FHIP2B: variants seen among roughly 807,000 people sequenced by gnomAD.
FHIP2B encodes the protein FHF complex subunit HOOK interacting protein 2B.
Under a neutral mutation model 84.0 loss-of-function variants are expected in FHIP2B, and 72 were observed. The ratio of observed to expected loss-of-function variants is 0.86; its 90% CI spans 0.71 to 1.04. The LOEUF is 1.04. Ranked by LOEUF, FHIP2B falls within the 50% of genes least tolerant of loss-of-function variation. The pLI is 0.00. For synonymous variants in FHIP2B, 497 were observed against 418.7 expected (o/e 1.19, Z -2.28); for missense variants, 972 against 968.9 (o/e 1.00, Z -0.04).
rs1375200170 is a variant in FHIP2B at position 22,098,429 on chromosome 8, C to T, written c.775C>T (p.Arg259Trp). Residue 259 changes from arginine (R) to tryptophan (W), a missense_variant, in exon 7 of 17, where the codon CGG becomes TGG. Transcript: ENST00000289921. ...TTGTATCCTCATCCCCTAGAAGAGT[C>T]GGGTGGCCTTGAAGGCCCAGGAGAA... ...LLGLCQSKKS[R>W]VALKAQENLL... The T allele has an allele frequency of 6.3e-6, 10 of 1,593,580 alleles. No individual in the cohort carries two copies. The highest frequency in any genetic ancestry group is 1.1e-5 in the South Asian group (1 of 88,906).
chr8:22,091,861 C>G (rs4872277), intron 1 of FHIP2B, among the ~76,000 whole-genome samples: 59,959 of 152,026 alleles, frequency 0.39, 12,939 homozygotes, highest in East Asian at 0.62. Context: ...GGGAAAGAAT[C>G]TCTCCAGGAG....
At chr8:22,099,147 T>TAAGC in intron 8 of FHIP2B, 91 bp downstream of exon 8, 1 of 1,495,906 alleles carries the variant, frequency 6.7e-7, no homozygotes, top group Non-Finnish European at 9.1e-7. Flanking sequence ...CATGGAAACA[T>TAAGC]GGGGTCCAGG....
In FHIP2B at chr8:22,102,980, GCTGCCTCCTGC is replaced by G. The variant is rs1452195229; in HGVS notation, c.*53_*63del. Reference sequence around the variant, plus strand: ...CTCCTGTCCACACCTCTGCCCCAGAGCTGCCTCCTGCCTGGCACTGCCGCCACACTCCCCTC... The same window carrying G: ...CTCCTGTCCACACCTCTGCCCCAGAGCTGGCACTGCCGCCACACTCCCCTC... On this transcript the variant is annotated 3_prime_UTR_variant, in exon 17 of 17. Coordinates refer to ENST00000289921, the MANE Select transcript of FHIP2B (RefSeq NM_022749.7). The G allele has an allele frequency of 5.7e-6, 9 of 1,579,946 alleles. No individual in the cohort carries two copies. Among genetic ancestry groups the G allele is most frequent in the Non-Finnish European group, 7.7e-6 (9 of 1,162,850 alleles).
chr8:22,099,165 C>T lies in FHIP2B; in HGVS notation c.1074+109C>T, dbSNP rs950326253. On this transcript the variant is annotated intron_variant, in intron 8 of 16. Coordinates refer to ENST00000289921, the MANE Select transcript of FHIP2B (RefSeq NM_022749.7). ...GGAAACATGGGGTCCAGGAGCTAAG[C>T]GGGGCCCCAGGCGGGCCGGGACCCT... 2.3e-5 allele frequency: 34 copies of T among 1,501,102 alleles called. No homozygotes were observed. In the Admixed American group the frequency reaches 2.6e-4, roughly 11 times the overall value. The allele number at this position is 1,501,102 out of a possible 1,614,324, so 93.0% of individuals were successfully genotyped here.
intron 2 of FHIP2B, chr8:22,094,918 C>T: frequency 9.3e-7 from 1 of 1,073,574 alleles, no homozygotes; most frequent in Non-Finnish European, 1.1e-6. Flanking sequence ...TTCCCCTGAG[C>T]CAGCTTAGGG....
chr8:22,101,699 C>T lies in FHIP2B; in HGVS notation c.1708-9C>T, dbSNP rs1826126036. On this transcript the variant is annotated splice_polypyrimidine_tract_variant and intron_variant, in intron 13 of 16. Coordinates refer to ENST00000289921, the MANE Select transcript of FHIP2B (RefSeq NM_022749.7). ...AGGCCCACTGCCTCTACTTTCCCGCCTGTCTCAGTTCCAGGAGTGCAGCTC... is the reference window on the plus strand; with the variant it reads ...AGGCCCACTGCCTCTACTTTCCCGCTTGTCTCAGTTCCAGGAGTGCAGCTC... 1.9e-6 allele frequency: 3 copies of T among 1,604,942 alleles called. No individual in the cohort carries two copies. The highest frequency in any genetic ancestry group is 1.7e-6 in the Non-Finnish European group (2 of 1,174,450).
chr8:22,101,741 G>T lies in FHIP2B; in HGVS notation c.1741G>T (p.Gly581Cys), dbSNP rs770688127. The change falls in exon 14 of 17, where the codon GGC (glycine) becomes TGC (cysteine). Residue 581 changes from glycine (G) to cysteine (C), a missense_variant. By Grantham distance (159) the Gly-to-Cys change is radical. Coordinates refer to ENST00000289921, the MANE Select transcript of FHIP2B (RefSeq NM_022749.7). ...QECSSRVASW[G>C]WPLTPTPLDP... is the part of the protein sequence containing the mutation. ...GTGCAGCTCCCGCGTCGCCTCCTGG[G>T]GCTGGCCTCTGACCCCCACACCTTT... 9 of 1,613,014 alleles carry T rather than the reference G, an allele frequency of 5.6e-6. No individual in the cohort carries two copies. In the Admixed American group the frequency reaches 1.5e-4, roughly 27 times the overall value.
Position 22,103,008 on chromosome 8 carries a change from A to C in FHIP2B, c.*77A>C. ...GCCTCCTGCCTGGCACTGCCGCCAC[A>C]CTCCCCTCCTGGGATGGGGCTTCTG... On this transcript the variant is annotated 3_prime_UTR_variant, in exon 17 of 17. Transcript: ENST00000289921. 6.6e-7 allele frequency: 1 copy of C among 1,516,674 alleles called. No homozygotes were observed. The highest frequency in any genetic ancestry group is 1.3e-5 in the South Asian group (1 of 78,710). The allele number at this position is 1,516,674 out of a possible 1,614,324, so 94.0% of individuals were successfully genotyped here. A position where few individuals can be genotyped will look rare whatever the true frequency, so the allele number is the denominator to read the frequency against.
intron 3 of FHIP2B, 145 bp downstream of exon 3, chr8:22,096,654 G>T (rs1353098337): frequency 6.8e-6 from 8 of 1,169,048 alleles, no homozygotes; most frequent in Non-Finnish European, 9.1e-6. Context: ...GTGGGCGGTG[G>T]GCAGTGGGCA....
Position 22,099,329 on chromosome 8 carries a change from G to GT in FHIP2B, c.1121dup (p.Glu375GlyfsTer50). The GT allele has an allele frequency of 6.2e-7, 1 of 1,613,762 alleles. No individual in the cohort carries two copies. Among genetic ancestry groups the GT allele is most frequent in the Non-Finnish European group, 8.5e-7 (1 of 1,179,818 alleles). On this transcript the variant is annotated frameshift_variant, in exon 9 of 17. Transcript: ENST00000289921. LOFTEE classifies it high-confidence loss of function. ...GAAGGCTGTGGCTGAGAACTTCTTCGTGGAGACCCTGCAGCCCCAGCTCCT... is the reference window on the plus strand; with the variant it reads ...GAAGGCTGTGGCTGAGAACTTCTTCGTTGGAGACCCTGCAGCCCCAGCTCCT...
chr8:22,094,513 G>T lies in FHIP2B; in HGVS notation c.119G>T (p.Ser40Ile). ...GGCATCACGCACTACTACATCGAGA[G>T]CACAGGTGCGGCCTGGCCCTCCCCA... Reference protein sequence around the residue: ...WKGITHYYIESTDESTPAKKT... With the variant: ...WKGITHYYIEITDESTPAKKT... The change falls in exon 2 of 17, where the codon AGC becomes ATC. Residue 40 changes from serine to isoleucine, a missense_variant. Transcript: ENST00000289921. The T allele has an allele frequency of 6.2e-7, 1 of 1,610,844 alleles. No individual in the cohort carries two copies. The highest frequency in any genetic ancestry group is 2.3e-5 in the East Asian group (1 of 44,392).
Position 22,100,585 on chromosome 8 carries a change from C to T in FHIP2B, c.1342-9C>T, listed in dbSNP as rs990636104. The T allele has an allele frequency of 5.2e-6, 8 of 1,530,276 alleles. No homozygotes were observed. In the African/African-American group the frequency reaches 1.1e-4, roughly 21 times the overall value. The allele number at this position is 1,530,276 out of a possible 1,614,324, so 94.8% of individuals were successfully genotyped here. Reference sequence around the variant, plus strand: ...AGGGGCTATCCTGCCGACCCCCTTCCTGCTCCAGATCAGCATCACCACACT... The same window carrying T: ...AGGGGCTATCCTGCCGACCCCCTTCTTGCTCCAGATCAGCATCACCACACT... On this transcript the variant is annotated splice_polypyrimidine_tract_variant and intron_variant, in intron 10 of 16. Transcript: ENST00000289921.
At position 22,100,611 on chromosome 8, in the gene FHIP2B, C is replaced by G. The variant is rs1360472038; in HGVS notation, c.1359C>G (p.Leu453=). The G allele has an allele frequency of 6.4e-7, 1 of 1,573,098 alleles. No homozygotes were observed. The highest frequency in any genetic ancestry group is 1.8e-5 in the Admixed American group (1 of 54,508). Residue 453 remains leucine (L), a synonymous_variant, in exon 11 of 17, where the codon CTC becomes CTG. Coordinates refer to ENST00000289921, the MANE Select transcript of FHIP2B (RefSeq NM_022749.7). ...HLSDEISITT[L]RLFEELLQKP... is the part of the protein sequence containing the mutation. ...TGCTCCAGATCAGCATCACCACACT[C>G]CGGCTGTTTGAGGAGCTGCTGCAGA... is the stretch of plus-strand genomic sequence containing the variant.
rs1237457897 is a variant in FHIP2B at position 22,098,487 on chromosome 8, C to T, written c.833C>T (p.Ala278Val). 18 of 1,612,904 alleles carry T rather than the reference C, an allele frequency of 1.1e-5. No homozygotes were observed. The highest frequency in any genetic ancestry group is 1.5e-5 in the Non-Finnish European group (18 of 1,179,490). The change falls in exon 7 of 17, where the codon GCA (alanine) becomes GTA (valine). Residue 278 changes from alanine to valine, a missense_variant. By Grantham distance (64) the Ala-to-Val change is moderately conservative. Coordinates refer to ENST00000289921, the MANE Select transcript of FHIP2B (RefSeq NM_022749.7). ...LLLLVSMASP[A>V]AATYLVQSSA... ...CTCCTGGTGAGCATGGCCTCCCCAGCAGCTGCCACCTACCTGGTACAGAGC... is the reference window on the plus strand; with the variant it reads ...CTCCTGGTGAGCATGGCCTCCCCAGTAGCTGCCACCTACCTGGTACAGAGC...
Position 22,089,225 on chromosome 8 carries a change from C to G in FHIP2B, c.-29C>G. On this transcript the variant is annotated 5_prime_UTR_variant, in exon 1 of 17. Coordinates refer to ENST00000289921, the MANE Select transcript of FHIP2B (RefSeq NM_022749.7). ...CCTAGAGCGCTGCCGCCGCCGCTTTCGCCCGGGAGCCGGGGGCCGGGCGCC... is the reference window on the plus strand; with the variant it reads ...CCTAGAGCGCTGCCGCCGCCGCTTTGGCCCGGGAGCCGGGGGCCGGGCGCC... The G allele has an allele frequency of 9.4e-7, 1 of 1,060,018 alleles. No individual in the cohort carries two copies. Among genetic ancestry groups the G allele is most frequent in the East Asian group, 6.8e-5 (1 of 14,680 alleles). The allele number at this position is 1,060,018 out of a possible 1,614,324, so 65.7% of individuals were successfully genotyped here.
chr8:22,098,501 C>A lies in FHIP2B; in HGVS notation c.847C>A (p.Leu283Met). ...SMASPAAATY[L>M]VQSSACCPAI... ...GGCCTCCCCAGCAGCTGCCACCTAC[C>A]TGGTACAGAGCAGCGCCTGCTGCCC... Residue 283 changes from leucine (L) to methionine (M), a missense_variant, in exon 7 of 17, where the codon CTG becomes ATG. Physicochemically the swap from Leu to Met is conservative, Grantham distance 15. Coordinates refer to ENST00000289921, the MANE Select transcript of FHIP2B (RefSeq NM_022749.7). 1 of 1,613,388 alleles carries A rather than the reference C, an allele frequency of 6.2e-7. No individual in the cohort carries two copies. The highest frequency in any genetic ancestry group is 8.5e-7 in the Non-Finnish European group (1 of 1,179,764).
intron 12 of FHIP2B, 98 bp downstream of exon 12, chr8:22,101,070 C>G: frequency 2.1e-6 from 3 of 1,437,008 alleles, no homozygotes; most frequent in Non-Finnish European, 1.9e-6. Flanking sequence ...GGATGGAGTG[C>G]AGTGGTACAA....
intron 14 of FHIP2B, 48 bp downstream of exon 14, chr8:22,101,899 G>C (rs748088476): frequency 5.0e-6 from 8 of 1,596,166 alleles, no homozygotes; most frequent in Non-Finnish European, 6.0e-6. Flanking sequence ...GTGCCTCTGG[G>C]GTCCTTCAAG....
In FHIP2B at chr8:22,103,123, C is replaced by CAGATG. The variant is rs780192756; in HGVS notation, c.*193_*197dup. 4.2e-4 allele frequency: 310 copies of CAGATG among 735,594 alleles called. No homozygotes were observed. The highest frequency in any genetic ancestry group is 5.9e-4 in the Non-Finnish European group (273 of 463,236). The allele number at this position is 735,594 out of a possible 1,614,324, so 45.6% of individuals were successfully genotyped here. On this transcript the variant is annotated 3_prime_UTR_variant, in exon 17 of 17. Transcript: ENST00000289921. ...GCATGCCAGGTGCCAAGGAGCCAAA[C>CAGATG]AGATGGCTTTCCAGGCAGCAAGGTC... is the stretch of plus-strand genomic sequence containing the variant.
Sources: gnomAD v4.1 joint callset for allele counts (sites outside exome capture counted in the v4.1 genomes callset) on GRCh38, gnomAD v4.1.1 for gene constraint, MANE v1.5 for transcripts, NCBI Gene and HGNC (gene_info 2026-07-23, HGNC 2026-07-21) for gene names.